The following TLE4 variants were observed in gnomAD, a reference collection of about 807,000 sequenced individuals.
TLE4 encodes the protein transducin-like enhancer protein 4.
A neutral mutation model predicts 92.8 loss-of-function variants in TLE4; 8 were observed. The observed-to-expected ratio is 0.09, with a 90% CI of 0.05 to 0.16. The LOEUF is 0.16. Ranked by LOEUF, TLE4 falls within the 10% of genes least tolerant of loss-of-function variation. The pLI, the probability that TLE4 is intolerant of heterozygous loss-of-function variation, is 1.00. For synonymous variants in TLE4, 371 were observed against 374.1 expected (o/e 0.99, Z 0.10); for missense variants, 675 against 997.6 (o/e 0.68, Z 4.36).
intron 6 of TLE4, among the ~76,000 whole-genome samples, chr9:79,651,331 C>A (rs1026618011): frequency 1.1e-4 from 16 of 152,128 alleles, no homozygotes; most frequent in African/African-American, 3.6e-4. Flanking sequence ...CTCCTCTCCC[C>A]CACTTCCCAC....
At chr9:79,623,024 T>C (rs1450888076) in intron 5 of TLE4, among the ~76,000 whole-genome samples, 12 of 152,148 alleles carry the variant, frequency 7.9e-5, no homozygotes, top group Non-Finnish European at 4.4e-5. Flanking sequence ...CCAGTCAATA[T>C]GGGGAGTACT....
intron 8 of TLE4, among the ~76,000 whole-genome samples, chr9:79,664,707 C>G (rs976585641): frequency 6.6e-6 from 1 of 152,170 alleles, no homozygotes; most frequent in Non-Finnish European, 1.5e-5. Flanking sequence ...TCCTGCCTCC[C>G]GCTGCCACTT....
intron 8 of TLE4, among the ~76,000 whole-genome samples, chr9:79,693,324 C>G (rs1284597259): frequency 6.6e-6 from 1 of 152,032 alleles, no homozygotes; most frequent in Non-Finnish European, 1.5e-5. Flanking sequence ...TCTAGCTGGC[C>G]CTGTCAAGCC....
intron 4 of TLE4, among the ~76,000 whole-genome samples, chr9:79,599,837 CA>C (rs1436434330): frequency 6.6e-6 from 1 of 152,166 alleles, no homozygotes; most frequent in Non-Finnish European, 1.5e-5. Context: ...AAATCAGACC[CA>C]CCTCCTGCCC....
intron 8 of TLE4, among the ~76,000 whole-genome samples, chr9:79,682,572 A>G (rs1172344456): frequency 1.3e-5 from 2 of 152,148 alleles, no homozygotes; most frequent in African/African-American, 4.8e-5. Flanking sequence ...GTCATAAATC[A>G]GTGAAGGGAG....
chr9:79,591,011 T>A (rs925783196), intron 4 of TLE4, among the ~76,000 whole-genome samples: 1 of 152,226 alleles, frequency 6.6e-6, no homozygotes, highest in Non-Finnish European at 1.5e-5. Flanking sequence ...TCAGAGGGAA[T>A]GCAAAGGCTC....
intron 8 of TLE4, among the ~76,000 whole-genome samples, chr9:79,659,854 T>C (rs984783722): frequency 1.3e-5 from 2 of 152,304 alleles, no homozygotes; most frequent in South Asian, 4.1e-4. Flanking sequence ...GCAATACTTA[T>C]TTGGACAGTG....
intron 4 of TLE4, among the ~76,000 whole-genome samples, chr9:79,591,734 A>G (rs1045310359): frequency 1.3e-5 from 2 of 152,156 alleles, no homozygotes; most frequent in African/African-American, 4.8e-5. Flanking sequence ...ATGGAAATGC[A>G]TAGGAGGAAA....
At chr9:79,721,158 T>G (rs1662704319) in intron 16 of TLE4, among the ~76,000 whole-genome samples, 2 of 152,230 alleles carry the variant, frequency 1.3e-5, no homozygotes, top group African/African-American at 4.8e-5. Flanking sequence ...GAGAAGCTGC[T>G]TCTAACCCTG....
intron 4 of TLE4, chr9:79,601,516 C>T: frequency 2.2e-6 from 1 of 452,840 alleles, no homozygotes; most frequent in South Asian, 1.6e-5. Context: ...TTTGGTAACT[C>T]TCACAATGTT....
At chr9:79,657,509 G>C (rs1256936708) in intron 8 of TLE4, among the ~76,000 whole-genome samples, 1 of 152,078 alleles carries the variant, frequency 6.6e-6, no homozygotes, top group East Asian at 1.9e-4. Context: ...GGTGTCAGAG[G>C]GGACATTCCC....
chr9:79,609,549 G>A (rs1469875661), intron 4 of TLE4, among the ~76,000 whole-genome samples: 1 of 152,046 alleles, frequency 6.6e-6, no homozygotes, highest in African/African-American at 2.4e-5. Context: ...CATCTTGATA[G>A]GGAAGATAGA....
chr9:79,594,365 T>C (rs1587837430), intron 4 of TLE4, among the ~76,000 whole-genome samples: 2 of 152,378 alleles, frequency 1.3e-5, no homozygotes, highest in East Asian at 3.9e-4. Context: ...GTATAGTTTA[T>C]ATAGTTCATG....
intron 5 of TLE4, among the ~76,000 whole-genome samples, chr9:79,623,990 G>A (rs1211635720): frequency 6.6e-6 from 1 of 151,954 alleles, no homozygotes; most frequent in Non-Finnish European, 1.5e-5. Flanking sequence ...TGGTGGCTGA[G>A]GGAACAAGCA....
At chr9:79,637,876 G>C (rs577613879) in intron 6 of TLE4, among the ~76,000 whole-genome samples, 1 of 152,140 alleles carries the variant, frequency 6.6e-6, no homozygotes, top group South Asian at 2.1e-4. Flanking sequence ...TAGGAGAGGA[G>C]TATGTATAGT....
chr9:79,718,312 G>A (rs1429969824), intron 14 of TLE4, among the ~76,000 whole-genome samples: 2 of 152,272 alleles, frequency 1.3e-5, no homozygotes, highest in East Asian at 3.9e-4. Context: ...CTATAGGCGA[G>A]GTCTCATCAC....
chr9:79,680,331 A>G (rs1245016435), intron 8 of TLE4, among the ~76,000 whole-genome samples: 4 of 152,086 alleles, frequency 2.6e-5, no homozygotes, highest in Admixed American at 6.5e-5. Flanking sequence ...GAGGTCCTTC[A>G]CATCCCTTGT....
chr9:79,573,581 C>G, intron 1 of TLE4, 108 bp from the exon 2 acceptor site: 1 of 931,122 alleles, frequency 1.1e-6, no homozygotes, highest in Non-Finnish European at 1.6e-6. Context: ...TCTTTGCTTG[C>G]GTGCGCGATG....
At chr9:79,610,553 C>G (rs938034509) in intron 4 of TLE4, among the ~76,000 whole-genome samples, 2 of 152,008 alleles carry the variant, frequency 1.3e-5, no homozygotes, top group African/African-American at 4.8e-5. Context: ...CCCACCCCCC[C>G]ACTGCCAATT....
Sources: allele counts gnomAD v4.1 joint callset (sites outside exome capture counted in the v4.1 genomes callset), GRCh38; gene constraint gnomAD v4.1.1; transcripts MANE v1.5; gene names NCBI Gene and HGNC (gene_info 2026-07-23, HGNC 2026-07-21).